Variants in CNNM2 observed in about 807,000 individuals in gnomAD.
CNNM2 encodes cyclin and CBS domain divalent metal cation transport mediator 2, also known as metal transporter CNNM2.
In CNNM2, 12 loss-of-function variants were observed where a neutral mutation model predicts 66.9. The ratio of observed to expected loss-of-function variants is 0.18; its 90% CI spans 0.11 to 0.29. The LOEUF (loss-of-function observed/expected upper bound fraction) is 0.29. Ranked by LOEUF, CNNM2 falls within the 10% of genes least tolerant of loss-of-function variation. CNNM2 has a pLI of 1.00. For synonymous variants in CNNM2, 557 were observed against 501.8 expected, an observed-to-expected ratio of 1.11 and a Z score of -1.47; for missense variants, 705 against 1,167.7, an observed-to-expected ratio of 0.60 and a Z score of 5.77.
At chr10:103,000,637 G>T (rs2064101331) in intron 1 of CNNM2, among the ~76,000 whole-genome samples, 1 of 151,892 alleles carries the variant, frequency 6.6e-6, no homozygotes, top group Admixed American at 6.6e-5. Flanking sequence ...GTAGAGTAAG[G>T]GTTTCACCAT....
intron 1 of CNNM2, among the ~76,000 whole-genome samples, chr10:103,038,136 T>C (rs2064976086): frequency 6.6e-6 from 1 of 152,158 alleles, no homozygotes; most frequent in Non-Finnish European, 1.5e-5. Flanking sequence ...TCACCGTGCC[T>C]AGCCTACAGT....
intron 1 of CNNM2, among the ~76,000 whole-genome samples, chr10:102,945,376 G>T (rs370201346): frequency 3.0e-4 from 46 of 152,234 alleles, no homozygotes; most frequent in African/African-American, 9.4e-4. Flanking sequence ...ATTTCCAGCT[G>T]CCTCTTAGTG....
intron 1 of CNNM2, among the ~76,000 whole-genome samples, chr10:103,020,613 A>C (rs2064555133): frequency 6.6e-6 from 1 of 152,224 alleles, no homozygotes; most frequent in Non-Finnish European, 1.5e-5. Flanking sequence ...GTGGGATATA[A>C]GATAATAAAC....
At chr10:102,927,250 G>A (rs1845901760) in intron 1 of CNNM2, 1 of 1,521,090 alleles carries the variant, frequency 6.6e-7, no homozygotes, top group Non-Finnish European at 9.0e-7. Flanking sequence ...GACATATAAA[G>A]AGTACTATTA....
rs1020344682 is a variant in CNNM2 at position 102,942,728 on chromosome 10, A to G, written c.1621+22627A>G. On this transcript the variant is annotated intron_variant, in intron 1 of 7. Coordinates refer to ENST00000369878, the MANE Select transcript of CNNM2 (RefSeq NM_017649.5). Reference sequence around the variant, plus strand: ...TAATTCTATTCTTAATTTTTTGAGAAACTAAATAGTTTTTAAAAATAGCAA... The same window carrying G: ...TAATTCTATTCTTAATTTTTTGAGAGACTAAATAGTTTTTAAAAATAGCAA... Among the ~76,000 whole-genome samples the G allele has an allele frequency of 7.9e-5, 12 of 152,340 alleles. No individual in the cohort carries two copies. The East Asian group carries it at 2.3e-3, about 29-fold the overall frequency.
At position 102,918,509 on chromosome 10, in the gene CNNM2, A is replaced by C. The variant is rs1845497785; in HGVS notation, c.29A>C (p.Lys10Thr). The C allele has an allele frequency of 6.2e-7, 1 of 1,607,306 alleles. No homozygotes were observed. The highest frequency in any genetic ancestry group is 1.1e-5 in the South Asian group (1 of 90,336). MIGCGACEPKVKMAGGQAAA... is the reference protein window; with the variant it reads MIGCGACEPTVKMAGGQAAA... ...ATTGGCTGTGGCGCTTGTGAACCCA[A>C]AGTAAAGATGGCGGGCGGGCAGGCA... is the stretch of plus-strand genomic sequence containing the variant. Residue 10 changes from lysine to threonine, a missense_variant, in exon 1 of 8, where the codon AAA becomes ACA. By Grantham distance (78) the Lys-to-Thr change is moderately conservative. Around this residue, in one of 9 missense-constraint regions of CNNM2, gnomAD observed 98 missense variants for 73.6 expected, o/e 1.33. Transcript: ENST00000369878. The surrounding 1 kb of genome is among the most constrained non-coding windows in gnomAD (Gnocchi z 4.1).
chr10:103,012,620 C>A (rs1418462560), intron 1 of CNNM2, among the ~76,000 whole-genome samples: 4 of 150,354 alleles, frequency 2.7e-5, no homozygotes, highest in Admixed American at 2.0e-4. Context: ...TGCACTCCAG[C>A]CTGGGAAACA....
chr10:102,993,854 C>G (rs559215936), intron 1 of CNNM2, among the ~76,000 whole-genome samples: 1 of 152,264 alleles, frequency 6.6e-6, no homozygotes, highest in African/African-American at 2.4e-5. Context: ...GCTCACCTGG[C>G]TTGGTGGGCA....
intron 1 of CNNM2, among the ~76,000 whole-genome samples, chr10:102,931,356 C>CT (rs66613815): frequency 3.4e-5 from 4 of 119,240 alleles, no homozygotes; most frequent in Non-Finnish European, 5.2e-5. Context: ...TTCCTTCTTT[C>CT]TTTTTTTTTT....
At chr10:103,071,028 A>G (rs779418583) in intron 5 of CNNM2, among the ~76,000 whole-genome samples, 6 of 152,232 alleles carry the variant, frequency 3.9e-5, no homozygotes, top group South Asian at 4.1e-4. Context: ...GGGATTTTGT[A>G]TATTCATTGA....
intron 1 of CNNM2, among the ~76,000 whole-genome samples, chr10:102,987,680 GTAAA>G (rs2063822778): frequency 6.6e-6 from 1 of 151,926 alleles, no homozygotes; most frequent in Admixed American, 6.6e-5. Context: ...TAATTTATAA[GTAAA>G]TATAAATTAG....
At chr10:103,000,417 C>T (rs1224964325) in intron 1 of CNNM2, among the ~76,000 whole-genome samples, 4 of 152,006 alleles carry the variant, frequency 2.6e-5, no homozygotes, top group African/African-American at 7.2e-5. Flanking sequence ...GATATTTGTA[C>T]ACCCCTTTGA....
At chr10:102,927,659 G>A (rs1845917758) in intron 1 of CNNM2, 2 of 411,152 alleles carry the variant, frequency 4.9e-6, no homozygotes, top group East Asian at 8.6e-5. Context: ...CAGCTTCTTG[G>A]GAGGCTGAGA....
At chr10:103,010,369 C>G (rs186460608) in intron 1 of CNNM2, among the ~76,000 whole-genome samples, 2 of 151,980 alleles carry the variant, frequency 1.3e-5, no homozygotes, top group African/African-American at 4.8e-5. Flanking sequence ...TCCCAGATAG[C>G]TGGGACTACA....
chr10:103,014,303 T>C (rs145245411), intron 1 of CNNM2, among the ~76,000 whole-genome samples: 1 of 152,232 alleles, frequency 6.6e-6, no homozygotes, highest in Non-Finnish European at 1.5e-5. Flanking sequence ...ATACTAACGA[T>C]GGTGATAATC....
At chr10:103,004,191 T>A (rs1372263346) in intron 1 of CNNM2, among the ~76,000 whole-genome samples, 1 of 148,646 alleles carries the variant, frequency 6.7e-6, no homozygotes, top group African/African-American at 2.5e-5. Flanking sequence ...TTAGTAGCAA[T>A]GGGGTTTCAC....
intron 5 of CNNM2, among the ~76,000 whole-genome samples, 187 bp from the exon 6 acceptor site, chr10:103,071,587 C>G (rs2065583770): frequency 6.6e-6 from 1 of 152,206 alleles, no homozygotes; most frequent in African/African-American, 2.4e-5. Flanking sequence ...CTTGGCCTCC[C>G]TGTATTCCTC....
chr10:102,999,701 G>A (rs553816141), intron 1 of CNNM2, among the ~76,000 whole-genome samples: 1 of 152,152 alleles, frequency 6.6e-6, no homozygotes, highest in Non-Finnish European at 1.5e-5. Context: ...CAAAATTCAT[G>A]TGGAAATTCA....
At chr10:103,063,598 G>A (rs1217540315) in intron 4 of CNNM2, among the ~76,000 whole-genome samples, 2 of 152,188 alleles carry the variant, frequency 1.3e-5, no homozygotes, top group Admixed American at 6.5e-5. Context: ...TAGAAACTTT[G>A]AGAAGAGGTT....
Sources: allele counts gnomAD v4.1 joint callset (sites outside exome capture counted in the v4.1 genomes callset), GRCh38; gene constraint gnomAD v4.1.1; regional missense constraint gnomAD v4.1.1; non-coding constraint Gnocchi (gnomAD v3.1); transcripts MANE v1.5; gene names NCBI Gene and HGNC (gene_info 2026-07-23, HGNC 2026-07-21).